The following CEP83 variants were observed in gnomAD, a reference collection of about 807,000 sequenced individuals.
The protein encoded by CEP83 is centrosomal protein 83, also known as centrosomal protein of 83 kDa.
CEP83 carries 70 observed loss-of-function variants against 101.9 expected under a neutral mutation model. The observed-to-expected ratio is 0.69, with a 90% CI of 0.57 to 0.84. The LOEUF (loss-of-function observed/expected upper bound fraction) is 0.84. Ranked by LOEUF, CEP83 falls within the 40% of genes least tolerant of loss-of-function variation. The pLI is 0.00. For synonymous variants in CEP83, 264 were observed against 267.9 expected, an observed-to-expected ratio of 0.99 and a Z score of 0.14; for missense variants, 715 against 787.2, an observed-to-expected ratio of 0.91 and a Z score of 1.10.
intron 6 of CEP83, among the ~76,000 whole-genome samples, chr12:94,398,401 G>A (rs1175566346): frequency 6.6e-6 from 1 of 152,096 alleles, no homozygotes; most frequent in Non-Finnish European, 1.5e-5. Flanking sequence ...TCATGGCAGA[G>A]GAACATAAAT....
chr12:94,431,316 G>C (rs567014663), intron 2 of CEP83, among the ~76,000 whole-genome samples: 2 of 152,200 alleles, frequency 1.3e-5, no homozygotes, highest in South Asian at 2.1e-4. Context: ...AGATACAAAC[G>C]TAAGACCCAA....
chr12:94,333,780 A>C, intron 12 of CEP83, 141 bp from the exon 13 acceptor site: 1 of 679,758 alleles, frequency 1.5e-6, no homozygotes, highest in African/African-American at 1.8e-5. Flanking sequence ...CCTAAAGGAA[A>C]TAACAAATAG....
chr12:94,432,857 T>A (rs1380364105), intron 2 of CEP83, among the ~76,000 whole-genome samples: 1 of 152,196 alleles, frequency 6.6e-6, no homozygotes, highest in Admixed American at 6.5e-5. Context: ...CTCATAAATA[T>A]GTAAACTATG....
downstream of CEP83, among the ~76,000 whole-genome samples, chr12:94,302,751 TA>T (rs1968592586): frequency 6.6e-6 from 1 of 152,188 alleles, no homozygotes; most frequent in Non-Finnish European, 1.5e-5. Context: ...TTCTGTCAAC[TA>T]CTGCTGCTAA....
In CEP83 at chr12:94,403,184, TA is replaced by T; in HGVS notation, c.402del (p.Phe134LeufsTer4). 6.4e-7 allele frequency: 1 copy of T among 1,550,434 alleles called. No individual in the cohort carries two copies. Among genetic ancestry groups the T allele is most frequent in the Non-Finnish European group, 8.9e-7 (1 of 1,123,818 alleles). On this transcript the variant is annotated frameshift_variant, in exon 5 of 17. Coordinates refer to ENST00000397809, the MANE Select transcript of CEP83 (RefSeq NM_016122.3). LOFTEE classifies it high-confidence loss of function. The stretch of plus-strand genomic sequence containing the variant: ...AAGTTACTTACTTCATCTAGATTCC[TA>T]AAACGTTCTCTCATTGGAGTTTCTA... ...QELETPMRER[F>X]RNLDEEVEKY...
At chr12:94,325,177 C>CT (rs199619275) in intron 14 of CEP83, among the ~76,000 whole-genome samples, 15,459 of 146,284 alleles carry the variant, frequency 0.11, 888 homozygotes, top group Admixed American at 0.15. Context: ...TTTTCTCTCC[C>CT]TTTTTTTTTT....
intron 14 of CEP83, among the ~76,000 whole-genome samples, chr12:94,323,846 A>C (rs1342451540): frequency 1.3e-5 from 2 of 152,240 alleles, no homozygotes; most frequent in Non-Finnish European, 2.9e-5. Flanking sequence ...ACCATTTATA[A>C]GATTGAAAAT....
intron 6 of CEP83, among the ~76,000 whole-genome samples, chr12:94,379,772 C>G (rs866182338): frequency 6.6e-6 from 1 of 152,026 alleles, no homozygotes; most frequent in East Asian, 1.9e-4. Flanking sequence ...ATTTCAGAAG[C>G]TCCTCACCTC....
chr12:94,435,538 T>C (rs1253972947), intron 1 of CEP83, among the ~76,000 whole-genome samples: 2 of 152,124 alleles, frequency 1.3e-5, no homozygotes, highest in Non-Finnish European at 2.9e-5. Flanking sequence ...ACAAAAGACA[T>C]GAACTCTCGG....
intron 11 of CEP83, among the ~76,000 whole-genome samples, chr12:94,343,613 C>A (rs1428273631): frequency 6.7e-6 from 1 of 150,030 alleles, no homozygotes; most frequent in South Asian, 2.1e-4. Flanking sequence ...CCTCAGCCTC[C>A]CGAGTAGCTG....
intron 2 of CEP83, among the ~76,000 whole-genome samples, chr12:94,418,935 A>C (rs868500222): frequency 1.3e-5 from 2 of 152,282 alleles, no homozygotes; most frequent in African/African-American, 4.8e-5. Context: ...CTGACTTTAA[A>C]ATCTTAAAAC....
intron 6 of CEP83, among the ~76,000 whole-genome samples, chr12:94,384,733 C>CA (rs1367259920): frequency 1.3e-5 from 2 of 152,060 alleles, no homozygotes; most frequent in Admixed American, 1.3e-4. Flanking sequence ...CTAAAATTTC[C>CA]AATTTTCTTC....
intron 6 of CEP83, among the ~76,000 whole-genome samples, chr12:94,384,990 T>C (rs749474953): frequency 3.2e-4 from 48 of 152,168 alleles, no homozygotes; most frequent in Non-Finnish European, 5.6e-4. Flanking sequence ...GGGAATTAAG[T>C]TATGAGACTC....
chr12:94,378,792 T>G lies in CEP83; in HGVS notation c.800A>C (p.Glu267Ala). Residue 267 changes from glutamate (E) to alanine (A), a missense_variant and splice_region_variant, in exon 7 of 17, where the codon GAG becomes GCG. Coordinates refer to ENST00000397809, the MANE Select transcript of CEP83 (RefSeq NM_016122.3). ...ACTGGGAAGTAATTAGAATCTTACC[T>G]CCAGGGATCTGACTGTAGCCTGCAT... The part of the protein sequence containing the change: ...AEMQATVRSL[E>A]AEKQSANLRA... 6.2e-7 allele frequency: 1 copy of G among 1,613,890 alleles called. No homozygotes were observed. The highest frequency in any genetic ancestry group is 1.1e-5 in the South Asian group (1 of 91,054).
intron 6 of CEP83, among the ~76,000 whole-genome samples, chr12:94,387,669 C>T (rs1054178710): frequency 3.9e-5 from 6 of 152,050 alleles, no homozygotes; most frequent in Admixed American, 1.3e-4. Flanking sequence ...GGAGAAAATA[C>T]CTGCAAACTA....
At chr12:94,314,008 C>A (rs1015113685) in intron 14 of CEP83, among the ~76,000 whole-genome samples, 3 of 151,824 alleles carry the variant, frequency 2.0e-5, no homozygotes, top group Non-Finnish European at 4.4e-5. Flanking sequence ...TTAAACTTTA[C>A]AATATACAAA....
intron 1 of CEP83, among the ~76,000 whole-genome samples, chr12:94,444,918 T>C (rs997977610): frequency 2.0e-5 from 3 of 152,208 alleles, no homozygotes; most frequent in Non-Finnish European, 4.4e-5. Context: ...GTTAAGATGT[T>C]AATTTCTCCC....
chr12:94,359,616 G>A (rs987111137), intron 11 of CEP83, among the ~76,000 whole-genome samples: 6 of 152,072 alleles, frequency 3.9e-5, no homozygotes, highest in African/African-American at 1.4e-4. Flanking sequence ...GATCAATAAT[G>A]AGTAACAAGA....
At chr12:94,275,533 G>T in the CEP83 span, among the ~76,000 whole-genome samples, 1 of 152,196 alleles carries the variant, frequency 6.6e-6, no homozygotes, top group Non-Finnish European at 1.5e-5. Context: ...CTGACCCCAA[G>T]GGCCTTGACT....
Sources: allele counts gnomAD v4.1 joint callset (sites outside exome capture counted in the v4.1 genomes callset), GRCh38; gene constraint gnomAD v4.1.1; transcripts MANE v1.5; gene names NCBI Gene and HGNC (gene_info 2026-07-23, HGNC 2026-07-21).